Variants in KRABD5 observed in about 807,000 individuals in gnomAD.
KRABD5 encodes the protein KRAB domain-containing protein 5.
the KRABD5 span, among the ~76,000 whole-genome samples, chr16:31,737,573 C>G: frequency 6.6e-6 from 1 of 152,064 alleles, no homozygotes; most frequent in Non-Finnish European, 1.5e-5. Context: ...AAGAGACTGT[C>G]CCTTTTCTCA....
chr16:31,718,860 C>T, the KRABD5 span, among the ~76,000 whole-genome samples: 1 of 152,206 alleles, frequency 6.6e-6, no homozygotes, highest in Admixed American at 6.5e-5. Flanking sequence ...TGGTGATGTC[C>T]TGTGCAGACT....
the KRABD5 span, chr16:31,753,646 C>T: frequency 1.0e-6 from 1 of 994,132 alleles, no homozygotes; most frequent in African/African-American, 1.6e-5. Flanking sequence ...AAAGGGGCCT[C>T]AAGTTTTTGA....
At chr16:31,726,042 A>G in the KRABD5 span, among the ~76,000 whole-genome samples, 2 of 152,230 alleles carry the variant, frequency 1.3e-5, no homozygotes, top group South Asian at 2.1e-4. Flanking sequence ...TGTGAAATCT[A>G]AAAAATTAGT....
chr16:31,755,199 C>G, the KRABD5 span: 1 of 473,950 alleles, frequency 2.1e-6, no homozygotes, highest in Non-Finnish European at 4.3e-6. Context: ...AGAATTCATA[C>G]CGGAGAAAAA....
At chr16:31,713,279 A>G in the KRABD5 span, 13 of 1,025,584 alleles carry the variant, frequency 1.3e-5, no homozygotes, top group Non-Finnish European at 1.9e-5. Flanking sequence ...CTGCAGTAAG[A>G]GCTCAGTCTC....
chr16:31,725,363 A>G, the KRABD5 span, among the ~76,000 whole-genome samples: 1 of 152,094 alleles, frequency 6.6e-6, no homozygotes, highest in African/African-American at 2.4e-5. Flanking sequence ...AGTGATCCGC[A>G]CACCTCGTCC....
the KRABD5 span, among the ~76,000 whole-genome samples, chr16:31,732,282 T>A: frequency 1.3e-4 from 20 of 152,224 alleles, no homozygotes; most frequent in African/African-American, 4.8e-4. Flanking sequence ...CCACATTATG[T>A]TGTGAGAAAT....
the KRABD5 span, chr16:31,722,797 G>A: frequency 2.6e-6 from 4 of 1,514,770 alleles, no homozygotes; most frequent in African/African-American, 5.8e-5. Context: ...TAATAACTAA[G>A]GGTTTTATTT....
chr16:31,734,746 CT>C, the KRABD5 span, among the ~76,000 whole-genome samples: 51 of 150,628 alleles, frequency 3.4e-4, no homozygotes, highest in Non-Finnish European at 6.2e-4. Flanking sequence ...TTTTCCTTTT[CT>C]TTTTCTTTTT....
the KRABD5 span, chr16:31,757,984 C>T: frequency 3.9e-5 from 6 of 152,070 alleles, no homozygotes; most frequent in East Asian, 5.8e-4. Context: ...CATAGATAGA[C>T]GATTCAGAGA....
chr16:31,733,001 G>A, the KRABD5 span, among the ~76,000 whole-genome samples: 1 of 151,754 alleles, frequency 6.6e-6, no homozygotes, highest in Admixed American at 6.6e-5. Context: ...ATATGATTGT[G>A]TTTCTTTTTT....
the KRABD5 span, chr16:31,757,832 AGG>A: frequency 8.2e-6 from 1 of 121,380 alleles, no homozygotes; most frequent in Admixed American, 7.9e-5. Context: ...AAAGATAGGT[AGG>A]TAGGTAGGTA....
chr16:31,729,701 A>G, the KRABD5 span, among the ~76,000 whole-genome samples: 1 of 151,706 alleles, frequency 6.6e-6, no homozygotes, highest in African/African-American at 2.4e-5. Context: ...TCTATTTTAT[A>G]CTTTGTTTCT....
the KRABD5 span, chr16:31,759,691 T>G: frequency 4.0e-6 from 1 of 251,694 alleles, no homozygotes; most frequent in African/African-American, 2.2e-5. Context: ...TTTGTATAAA[T>G]GTACAATATT....
At chr16:31,735,801 A>G in the KRABD5 span, among the ~76,000 whole-genome samples, 2 of 152,122 alleles carry the variant, frequency 1.3e-5, no homozygotes, top group Non-Finnish European at 2.9e-5. Context: ...CAAATTTCTT[A>G]TATACTCAAT....
the KRABD5 span, among the ~76,000 whole-genome samples, chr16:31,715,120 GGAGGGGCATAAA>G: frequency 6.6e-6 from 1 of 152,172 alleles, no homozygotes; most frequent in African/African-American, 2.4e-5. Context: ...CCTGTTCTTA[GGAGGGGCATAAA>G]GAGGGGTTGA....
chr16:31,748,596 A>G, the KRABD5 span, among the ~76,000 whole-genome samples: 18 of 152,110 alleles, frequency 1.2e-4, no homozygotes, highest in African/African-American at 4.3e-4. Flanking sequence ...TACTTCTGTC[A>G]ATTCTTCCGT....
chr16:31,713,538 C>CG, the KRABD5 span: 6 of 1,459,202 alleles, frequency 4.1e-6, no homozygotes, highest in South Asian at 7.8e-5. Context: ...CCTGAGTCCC[C>CG]GCGGACGCAA....
At chr16:31,739,137 G>A in the KRABD5 span, among the ~76,000 whole-genome samples, 1 of 151,992 alleles carries the variant, frequency 6.6e-6, no homozygotes, top group East Asian at 1.9e-4. Flanking sequence ...ACTGTTACCA[G>A]AACACTTTAT....
Sources: allele counts gnomAD v4.1 joint callset (sites outside exome capture counted in the v4.1 genomes callset), GRCh38; gene constraint gnomAD v4.1.1; transcripts MANE v1.5; gene names NCBI Gene and HGNC (gene_info 2026-07-23, HGNC 2026-07-21).